RPS6KA5: variants seen among roughly 807,000 people sequenced by gnomAD.
The protein encoded by RPS6KA5 is ribosomal protein S6 kinase alpha-5.
RPS6KA5 carries 27 observed loss-of-function variants against 85.5 expected under a neutral mutation model. The ratio of observed to expected loss-of-function variants is 0.32; its 90% confidence interval spans 0.23 to 0.44. The LOEUF is 0.44. RPS6KA5 is among the 20% of genes least tolerant of loss of function. The probability of loss-of-function intolerance (pLI) is 1.00; values close to 1 mark genes in which losing one functional copy is unlikely to be tolerated. For missense variants in RPS6KA5, 811 were observed against 980.9 expected (o/e 0.83, Z 2.31); for synonymous variants, 334 against 348.2 (o/e 0.96, Z 0.46).
rs1460803178 is a variant in RPS6KA5, at chr14:90,861,480, C to G, written c.*10594G>C. ...GAGCTTGCAGTGAGCCGAGATCCCG[C>G]CACTGCACTCCAGCCTGGGCGACAG... On this transcript the variant is annotated 3_prime_UTR_variant, in exon 17 of 17. Coordinates refer to ENST00000614987, the MANE Select transcript of RPS6KA5 (RefSeq NM_004755.4). 1 of 149,508 alleles carries G rather than the reference C, an allele frequency of 6.7e-6. No individual in the cohort carries two copies. The highest frequency in any genetic ancestry group is 1.5e-5 in the Non-Finnish European group (1 of 67,292). The allele number at this position is 149,508 out of a possible 1,614,324, so 9.3% of individuals were successfully genotyped here. A position where few individuals can be genotyped will look rare whatever the true frequency, so the allele number is the denominator to read the frequency against.
chr14:90,990,055 AAAAG>A (rs1477773039), intron 2 of RPS6KA5, among the ~76,000 whole-genome samples: 7 of 152,172 alleles, frequency 4.6e-5, no homozygotes, highest in Non-Finnish European at 7.3e-5. Flanking sequence ...CAGGTGGAAA[AAAAG>A]ATGAGCACTA....
chr14:90,959,031 A>C lies in RPS6KA5; in HGVS notation c.395-11481T>G, dbSNP rs2038665967. 1.3e-5 allele frequency among the ~76,000 whole-genome samples: 2 copies of C among 152,002 alleles called. 1 individual carries two copies. Among genetic ancestry groups the C allele is most frequent in the Admixed American group, 1.3e-4 (2 of 15,262 alleles). On this transcript the variant is annotated intron_variant, in intron 3 of 16. Coordinates refer to ENST00000614987, the MANE Select transcript of RPS6KA5 (RefSeq NM_004755.4). ...AGCAGAAGTAACATCCAGTACAAAG[A>C]TCCTGAGGCAGTGCAGGCCTGGTGT...
intron 7 of RPS6KA5, among the ~76,000 whole-genome samples, chr14:90,917,325 C>G (rs1566738021): frequency 6.6e-6 from 1 of 151,916 alleles, no homozygotes; most frequent in Non-Finnish European, 1.5e-5. Context: ...CTAGCCTGTC[C>G]TGGAAAAGGT....
At chr14:90,916,475 AG>A (rs2036123503) in intron 7 of RPS6KA5, among the ~76,000 whole-genome samples, 2 of 152,230 alleles carry the variant, frequency 1.3e-5, no homozygotes, top group African/African-American at 4.8e-5. Flanking sequence ...TGCAGAGTTC[AG>A]GGAAGATCAT....
At chr14:91,020,314 T>C (rs997637872) in intron 1 of RPS6KA5, among the ~76,000 whole-genome samples, 1 of 151,918 alleles carries the variant, frequency 6.6e-6, no homozygotes, top group African/African-American at 2.4e-5. Flanking sequence ...TGAAACATAA[T>C]GATACAACAA....
chr14:91,006,796 T>C lies in RPS6KA5; in HGVS notation c.104-5637A>G, dbSNP rs554737668. Among the ~76,000 whole-genome samples the C allele has an allele frequency of 6.0e-4, 91 of 152,332 alleles. 1 individual carries two copies. The highest frequency in any genetic ancestry group is 4.3e-3 in the Admixed American group (65 of 15,292). On this transcript the variant is annotated intron_variant, in intron 1 of 16. Coordinates refer to ENST00000614987, the MANE Select transcript of RPS6KA5 (RefSeq NM_004755.4). The stretch of plus-strand genomic sequence containing the variant: ...GTTGGCCAAGCTGGTCTCGAACTCC[T>C]GACCTCAGGTGATCCGCCTGCCTCA...
intron 1 of RPS6KA5, chr14:91,052,285 TAAAAAAAAAAAA>T (rs57523052): frequency 4.2e-4 from 89 of 212,994 alleles, no homozygotes; most frequent in Middle Eastern, 1.9e-3. Flanking sequence ...CCATCTCTAC[TAAAAAAAAAAAA>T]AAAAAAAAAA....
chr14:91,045,346 C>A (rs1180123644), intron 1 of RPS6KA5, among the ~76,000 whole-genome samples: 1 of 150,424 alleles, frequency 6.6e-6, no homozygotes, highest in Admixed American at 6.7e-5. Flanking sequence ...CTCACTGCAA[C>A]CTCTGTGTCC....
intron 1 of RPS6KA5, among the ~76,000 whole-genome samples, chr14:91,003,754 T>C (rs1170734797): frequency 6.6e-6 from 1 of 152,202 alleles, no homozygotes; most frequent in Non-Finnish European, 1.5e-5. Context: ...CTTTCTCCCA[T>C]ACCTCAAGTC....
intron 1 of RPS6KA5, among the ~76,000 whole-genome samples, chr14:91,043,662 T>C (rs12882435): frequency 6.6e-6 from 1 of 152,024 alleles, no homozygotes; most frequent in Non-Finnish European, 1.5e-5. Flanking sequence ...ATACCATAGA[T>C]GTCCATCAGA....
chr14:90,900,290 C>A (rs1490524148), intron 10 of RPS6KA5, 49 bp from the exon 11 acceptor site: 2 of 1,356,626 alleles, frequency 1.5e-6, no homozygotes, highest in African/African-American at 1.5e-5. Flanking sequence ...CAGTAATACA[C>A]AAAGGATCAA....
At chr14:90,911,161 A>G (rs535962500) in intron 7 of RPS6KA5, 26 of 152,312 alleles carry the variant, frequency 1.7e-4, no homozygotes, top group African/African-American at 5.8e-4. Flanking sequence ...CTCAACTAAA[A>G]CATAAGCTCT....
At chr14:90,878,373 C>T (rs563832197) in intron 14 of RPS6KA5, among the ~76,000 whole-genome samples, 2 of 152,258 alleles carry the variant, frequency 1.3e-5, no homozygotes, top group Admixed American at 6.5e-5. Context: ...TTCCAGATCC[C>T]CCCTCCCCTT....
intron 1 of RPS6KA5, among the ~76,000 whole-genome samples, chr14:91,020,856 G>A (rs189355016): frequency 6.6e-6 from 1 of 152,074 alleles, no homozygotes; most frequent in Admixed American, 6.6e-5. Context: ...TGACTTTGTT[G>A]AGGAATATTG....
intron 3 of RPS6KA5, among the ~76,000 whole-genome samples, chr14:90,974,955 G>A (rs865895165): frequency 2.0e-5 from 3 of 152,058 alleles, no homozygotes; most frequent in East Asian, 3.8e-4. Context: ...TATCATTAAC[G>A]GAAAGATCTG....
At chr14:91,014,401 C>T (rs1455758771) in intron 1 of RPS6KA5, among the ~76,000 whole-genome samples, 1 of 150,786 alleles carries the variant, frequency 6.6e-6, no homozygotes, top group Non-Finnish European at 1.5e-5. Context: ...ACTCGGGAGG[C>T]TGAGGCAGGA....
chr14:91,054,637 GAAAAAA>G (rs764680509), intron 1 of RPS6KA5, among the ~76,000 whole-genome samples: 1 of 79,314 alleles, frequency 1.3e-5, no homozygotes, highest in African/African-American at 4.7e-5. Flanking sequence ...CTCTGTCTCA[GAAAAAA>G]AAAAAAAAAA....
chr14:90,919,868 T>C (rs1275346483), intron 7 of RPS6KA5, among the ~76,000 whole-genome samples: 1 of 152,206 alleles, frequency 6.6e-6, no homozygotes, highest in African/African-American at 2.4e-5. Context: ...ATAAATTACA[T>C]ATACAGTAGA....
At chr14:91,013,655 G>A (rs1791807604) in intron 1 of RPS6KA5, among the ~76,000 whole-genome samples, 2 of 152,216 alleles carry the variant, frequency 1.3e-5, no homozygotes, top group South Asian at 4.1e-4. Flanking sequence ...TGAAAAAGTA[G>A]TATTTTATTT....
Sources: gnomAD v4.1 joint callset for allele counts (sites outside exome capture counted in the v4.1 genomes callset) on GRCh38, gnomAD v4.1.1 for gene constraint, MANE v1.5 for transcripts, NCBI Gene and HGNC (gene_info 2026-07-23, HGNC 2026-07-21) for gene names.